Variants in ASAH1 observed in about 807,000 individuals in gnomAD.
The protein encoded by ASAH1 is acid ceramidase.
In ASAH1, 70 loss-of-function variants were observed where a neutral mutation model predicts 59.5. That is an observed-to-expected ratio of 1.18 (90% CI 0.97 to 1.43). The LOEUF (loss-of-function observed/expected upper bound fraction) is 1.43. Ranked by LOEUF, ASAH1 falls within the 40% of genes most tolerant of loss-of-function variation. The pLI is 0.00. For missense variants in ASAH1, 660 were observed against 482.5 expected, an observed-to-expected ratio of 1.37 and a Z score of -3.45; for synonymous variants, 213 against 166.5, an observed-to-expected ratio of 1.28 and a Z score of -2.15.
intron 8 of ASAH1, chr8:18,061,959 AC>A (rs2117027289): frequency 3.2e-6 from 2 of 633,062 alleles, no homozygotes; most frequent in East Asian, 5.5e-5. Flanking sequence ...CGCTTTTTGG[AC>A]AGGAAACTGA....
At position 18,061,434 on chromosome 8, in the gene ASAH1, T is replaced by C; in HGVS notation, c.728A>G (p.Lys243Arg). The C allele has an allele frequency of 1.2e-6, 2 of 1,612,924 alleles. No homozygotes were observed. The highest frequency in any genetic ancestry group is 1.7e-6 in the Non-Finnish European group (2 of 1,178,814). Residue 243 changes from lysine to arginine, a missense_variant, in exon 10 of 14, where the codon AAG (lysine) becomes AGG (arginine). By Grantham distance (26) the Lys-to-Arg change is conservative. Coordinates refer to ENST00000637790, the MANE Select transcript of ASAH1 (RefSeq NM_177924.5). ...YLGILEWILG[K>R]KDVMWIGFLT... ...GAACCCTATCCACATGACATCTTTC[T>C]TTCCCAGAATCCATTCTAGAATACC...
chr8:18,058,062 G>A (rs1345693689), intron 13 of ASAH1: 1 of 155,172 alleles, frequency 6.4e-6, no homozygotes, highest in Non-Finnish European at 1.4e-5. Context: ...TATCCTTAAA[G>A]CATTTCCAAT....
chr8:18,077,029 G>A (rs1800430327), intron 1 of ASAH1, among the ~76,000 whole-genome samples: 2 of 152,178 alleles, frequency 1.3e-5, no homozygotes, highest in South Asian at 4.1e-4. Context: ...AATAGTGGCT[G>A]GGGGCAGCTC....
chr8:18,070,019 C>G (rs1187163720), intron 3 of ASAH1, 141 bp from the exon 4 acceptor site: 1 of 556,048 alleles, frequency 1.8e-6, no homozygotes, highest in African/African-American at 1.9e-5. Flanking sequence ...CTCGCTCTGT[C>G]ACCCAGGCTG....
At position 18,059,341 on chromosome 8, in the gene ASAH1, C is replaced by T; in HGVS notation, c.1041G>A (p.Glu347=). The T allele has an allele frequency of 6.2e-7, 1 of 1,614,174 alleles. No individual in the cohort carries two copies. Among genetic ancestry groups the T allele is most frequent in the Non-Finnish European group, 8.5e-7 (1 of 1,180,036 alleles). Residue 347 remains glutamate (E), a splice_region_variant and synonymous_variant, in exon 12 of 14, where the codon GAG becomes GAA. Transcript: ENST00000637790. Reference sequence around the variant, plus strand: ...TCTATAGATGACCCTGCAAAGGTACCTCTTGGCTGGTGCGGTTCAGACACA... The same window carrying T: ...TCTATAGATGACCCTGCAAAGGTACTTCTTGGCTGGTGCGGTTCAGACACA... The part of the protein sequence containing the change: ...AKMCLNRTSQ[E]NISFETMYDV...
upstream of ASAH1, chr8:18,084,200 A>T (rs1800793019): frequency 1.1e-5 from 17 of 1,523,984 alleles, no homozygotes; most frequent in South Asian, 2.0e-4. Flanking sequence ...GAACGCTCGG[A>T]GGAGGCGGGA....
At chr8:18,061,105 G>C (rs1357985694) in intron 10 of ASAH1, 24 of 338,000 alleles carry the variant, frequency 7.1e-5, no homozygotes, top group South Asian at 6.0e-4. Flanking sequence ...TTTGTGTGTG[G>C]GTCATTTTTT....
chr8:18,069,859 G>T lies in ASAH1; in HGVS notation c.236C>A (p.Ser79Tyr). The part of the protein sequence containing the change: ...KAPVLKVIVN[S>Y]LKNMINTFVP... ...GAATGTATTTATCATATTCTTCAGA[G>T]AATTCACTATAACCTTTAGCTGAAA... is the stretch of plus-strand genomic sequence containing the variant. Residue 79 changes from serine to tyrosine, a missense_variant, in exon 4 of 14, where the codon TCT becomes TAT. Physicochemically the swap from Ser to Tyr is moderately radical, Grantham distance 144. Coordinates refer to ENST00000637790, the MANE Select transcript of ASAH1 (RefSeq NM_177924.5). 1 of 1,588,180 alleles carries T rather than the reference G, an allele frequency of 6.3e-7. No individual in the cohort carries two copies. Among genetic ancestry groups the T allele is most frequent in the South Asian group, 1.1e-5 (1 of 90,488 alleles).
At position 18,064,585 on chromosome 8, in the gene ASAH1, A is replaced by G. The variant is rs898547131; in HGVS notation, c.383-54T>C. On this transcript the variant is annotated intron_variant, in intron 5 of 13. Coordinates refer to ENST00000637790, the MANE Select transcript of ASAH1 (RefSeq NM_177924.5). ...ATACAGAACCATGACAATGGGAGAA[A>G]AATTTGTTTTAAGAAAAAGTTTCAG... is the stretch of plus-strand genomic sequence containing the variant. The G allele has an allele frequency of 3.8e-6, 4 of 1,052,172 alleles. No individual in the cohort carries two copies. In the Admixed American group the frequency reaches 7.7e-5, roughly 20 times the overall value. 65.2% of individuals were successfully genotyped at this position (1,052,172 alleles called of 1,614,324 possible). A position where few individuals can be genotyped will look rare whatever the true frequency, so the allele number is the denominator to read the frequency against.
intron 3 of ASAH1, among the ~76,000 whole-genome samples, chr8:18,070,928 C>A (rs1800143511): frequency 6.6e-6 from 1 of 152,122 alleles, no homozygotes; most frequent in Non-Finnish European, 1.5e-5. Flanking sequence ...AGAAATATGG[C>A]CGGGCATGGC....
At chr8:18,082,595 G>T (rs1449363628) in intron 1 of ASAH1, 3 of 152,176 alleles carry the variant, frequency 2.0e-5, no homozygotes. Flanking sequence ...TCTTTACTCA[G>T]TCAGAATTGC....
At chr8:18,084,358 G>A (rs1466159708), upstream of ASAH1, 2 of 1,409,888 alleles carry the variant, frequency 1.4e-6, no homozygotes, top group South Asian at 1.5e-5. Flanking sequence ...GCGGGCAATA[G>A]TCGGACCGAG....
intron 2 of ASAH1, among the ~76,000 whole-genome samples, chr8:18,075,267 A>T (rs954111567): frequency 6.6e-6 from 1 of 152,168 alleles, no homozygotes; most frequent in African/African-American, 2.4e-5. Flanking sequence ...TGCTGGGATT[A>T]CAGGCGTGAG....
In ASAH1 at chr8:18,069,801, A is replaced by T. The variant is rs777120218; in HGVS notation, c.294T>A (p.Asp98Glu). Reference sequence around the variant, plus strand: ...AAATAATATCTCTTACCAATTTTTCATCCACCACCTGCATAATTTTTCCAC... The same window carrying T: ...AAATAATATCTCTTACCAATTTTTCTTCCACCACCTGCATAATTTTTCCAC... ...VPSGKIMQVV[D>E]EKLPGLLGNF... Residue 98 changes from aspartate to glutamate, a missense_variant, in exon 4 of 14, where the codon GAT becomes GAA. Coordinates refer to ENST00000637790, the MANE Select transcript of ASAH1 (RefSeq NM_177924.5). The T allele has an allele frequency of 6.4e-7, 1 of 1,573,748 alleles. No individual in the cohort carries two copies. Among genetic ancestry groups the T allele is most frequent in the Non-Finnish European group, 8.7e-7 (1 of 1,144,428 alleles).
chr8:18,071,216 A>C (rs1163602403), intron 3 of ASAH1, 84 bp downstream of exon 3: 18 of 798,658 alleles, frequency 2.3e-5, no homozygotes, highest in Non-Finnish European at 2.7e-5. Context: ...CAAAACAAAA[A>C]AAAAATCAAT....
chr8:18,081,412 T>G (rs1038458328), intron 1 of ASAH1, among the ~76,000 whole-genome samples: 1 of 152,206 alleles, frequency 6.6e-6, no homozygotes, highest in Non-Finnish European at 1.5e-5. Context: ...GAAAATGTTA[T>G]CTTGTCTAAA....
At chr8:18,061,331 G>T in intron 10 of ASAH1, 46 bp downstream of exon 10, 1 of 1,439,552 alleles carries the variant, frequency 6.9e-7, no homozygotes, top group Admixed American at 1.7e-5. Context: ...TTTAATATGA[G>T]TAATTTAAAA....
chr8:18,075,038 C>G (rs1231906071), intron 2 of ASAH1, among the ~76,000 whole-genome samples: 1 of 143,616 alleles, frequency 7.0e-6, no homozygotes, highest in Non-Finnish European at 1.5e-5. Flanking sequence ...CTCTGTCGCC[C>G]AGACTGGAGT....
At position 18,056,681 on chromosome 8, in the gene ASAH1, GAACA is replaced by G. The variant is rs1190116238; in HGVS notation, c.*849_*852del. 1 of 152,114 alleles carries G rather than the reference GAACA, an allele frequency of 6.6e-6. No homozygotes were observed. The highest frequency in any genetic ancestry group is 1.5e-5 in the Non-Finnish European group (1 of 68,016). The allele number at this position is 152,114 out of a possible 1,614,324, so 9.4% of individuals were successfully genotyped here. On this transcript the variant is annotated 3_prime_UTR_variant, in exon 14 of 14. Transcript: ENST00000637790. ...CTTTAAAACTCCCTATCAATCTGAAGAACAAACTAAAAACCTGTTTATTACATGA... is the reference window on the plus strand; with the variant it reads ...CTTTAAAACTCCCTATCAATCTGAAGAACTAAAAACCTGTTTATTACATGA...
Sources: allele counts gnomAD v4.1 joint callset (sites outside exome capture counted in the v4.1 genomes callset), GRCh38; gene constraint gnomAD v4.1.1; transcripts MANE v1.5; gene names NCBI Gene and HGNC (gene_info 2026-07-23, HGNC 2026-07-21).